Variants in TTC23 observed in about 807,000 individuals in gnomAD.
TTC23 encodes the protein tetratricopeptide repeat domain 23.
A neutral mutation model predicts 55.1 loss-of-function variants in TTC23; 58 were observed. That is an observed-to-expected ratio of 1.05 (90% CI 0.85 to 1.31). The LOEUF is 1.31. TTC23 is among the 50% of genes most tolerant of loss of function. The probability of loss-of-function intolerance (pLI) is 0.00; values close to 1 mark genes in which losing one functional copy is unlikely to be tolerated. For synonymous variants in TTC23, 203 were observed against 199.9 expected, an observed-to-expected ratio of 1.02 and a Z score of -0.13; for missense variants, 516 against 534.4, an observed-to-expected ratio of 0.97 and a Z score of 0.34.
chr15:99,188,697 C>T (rs1018014272), intron 9 of TTC23, among the ~76,000 whole-genome samples: 1 of 152,000 alleles, frequency 6.6e-6, no homozygotes, highest in East Asian at 1.9e-4. Context: ...GTCACTTAAA[C>T]ATATGAAAAG....
At chr15:99,186,259 T>C (rs2074651211) in intron 9 of TTC23, among the ~76,000 whole-genome samples, 1 of 152,230 alleles carries the variant, frequency 6.6e-6, no homozygotes, top group Admixed American at 6.5e-5. Flanking sequence ...GTTATTTTTT[T>C]AAGGAGCTAA....
intron 9 of TTC23, among the ~76,000 whole-genome samples, chr15:99,184,232 A>C (rs1418709082): frequency 6.6e-6 from 1 of 152,180 alleles, no homozygotes; most frequent in Admixed American, 6.5e-5. Context: ...CCCTACACAG[A>C]GTCTCCACTG....
In TTC23 at chr15:99,161,770, G is replaced by A. The variant is rs373569659; in HGVS notation, c.963C>T (p.Cys321=). ...TKFLSIQDEF[C]HFLQMTGQKE... ...TTTGTCCAGTCATTTGTAGAAAATG[G>A]CAAAATTCATCTTGAATTGAAAGAA... The change falls in exon 11 of 14, where the codon TGC becomes TGT. Residue 321 remains cysteine (C), a synonymous_variant. Transcript: ENST00000394132. 3.8e-5 allele frequency: 61 copies of A among 1,613,144 alleles called. No individual in the cohort carries two copies. The East Asian group carries it at 9.6e-4, about 25-fold the overall frequency.
At chr15:99,197,887 A>G (rs1476955461) in intron 9 of TTC23, among the ~76,000 whole-genome samples, 3 of 151,690 alleles carry the variant, frequency 2.0e-5, no homozygotes, top group Non-Finnish European at 4.4e-5. Flanking sequence ...TGGGCAACAG[A>G]GCAAGACTCC....
chr15:99,223,020 T>C, intron 5 of TTC23, among the ~76,000 whole-genome samples: 1 of 151,982 alleles, frequency 6.6e-6, no homozygotes, highest in East Asian at 1.9e-4. Context: ...AAACAAAACC[T>C]CAGCTCCAAA....
At chr15:99,148,399 C>A (rs2069248048) in intron 12 of TTC23, 1 of 98,070 alleles carries the variant, frequency 1.0e-5, no homozygotes, top group Non-Finnish European at 2.3e-5. Context: ...ACCTTCTTAG[C>A]GTTGGCTTTC....
At chr15:99,202,136 CTTA>C (rs1239875046) in intron 8 of TTC23, among the ~76,000 whole-genome samples, 3 of 152,146 alleles carry the variant, frequency 2.0e-5, no homozygotes, top group Non-Finnish European at 4.4e-5. Flanking sequence ...ATCTGAAATA[CTTA>C]TTATCTGGGC....
At chr15:99,166,676 C>T (rs749539683) in intron 10 of TTC23, among the ~76,000 whole-genome samples, 10 of 152,182 alleles carry the variant, frequency 6.6e-5, no homozygotes, top group Middle Eastern at 3.2e-3. Flanking sequence ...CTCCTCAAGT[C>T]GCTGCTCTCT....
chr15:99,164,339 A>G (rs766202879), intron 10 of TTC23, among the ~76,000 whole-genome samples: 1 of 152,228 alleles, frequency 6.6e-6, no homozygotes, highest in Non-Finnish European at 1.5e-5. Context: ...TATTTACAAA[A>G]ACAGGTGGTG....
At chr15:99,251,034 G>A (rs2080696000), upstream of TTC23, 1 of 138,594 alleles carries the variant, frequency 7.2e-6, no homozygotes, top group African/African-American at 2.8e-5. Context: ...CTCAACGTGG[G>A]ATCATTGTTG....
intron 10 of TTC23, among the ~76,000 whole-genome samples, chr15:99,174,657 A>G (rs2073334450): frequency 1.3e-5 from 2 of 152,200 alleles, no homozygotes; most frequent in Non-Finnish European, 2.9e-5. Context: ...ATCCTGATGG[A>G]AAGTTCAGCC....
At chr15:99,230,867 A>G (rs2078877776) in intron 4 of TTC23, among the ~76,000 whole-genome samples, 2 of 152,212 alleles carry the variant, frequency 1.3e-5, no homozygotes, top group African/African-American at 2.4e-5. Flanking sequence ...AAGGAAGGAA[A>G]ATGATAGCAA....
chr15:99,151,852 T>C (rs1192119453), intron 12 of TTC23, among the ~76,000 whole-genome samples: 1 of 152,086 alleles, frequency 6.6e-6, no homozygotes, highest in Non-Finnish European at 1.5e-5. Context: ...GGCGAAACCA[T>C]CTCTACTAAA....
chr15:99,215,377 T>C (rs1028512469), intron 8 of TTC23, among the ~76,000 whole-genome samples: 5 of 152,098 alleles, frequency 3.3e-5, no homozygotes, highest in Admixed American at 2.6e-4. Flanking sequence ...AGTGGTTAAA[T>C]GATTAATTTA....
intron 8 of TTC23, among the ~76,000 whole-genome samples, chr15:99,204,320 G>A (rs920244063): frequency 3.3e-5 from 5 of 152,010 alleles, no homozygotes; most frequent in African/African-American, 7.2e-5. Context: ...TCTTCTGCTC[G>A]TTTTAAAATC....
intron 1 of TTC23, among the ~76,000 whole-genome samples, chr15:99,247,947 TA>T (rs2080404953): frequency 1.3e-5 from 2 of 152,180 alleles, no homozygotes; most frequent in Non-Finnish European, 2.9e-5. Flanking sequence ...TTAAAGCTGT[TA>T]AAAATAGCTA....
At chr15:99,202,453 C>G (rs2076278847) in intron 8 of TTC23, among the ~76,000 whole-genome samples, 1 of 151,998 alleles carries the variant, frequency 6.6e-6, no homozygotes, top group South Asian at 2.1e-4. Context: ...TTAAAGAAAG[C>G]AGTATTTAAA....
intron 9 of TTC23, among the ~76,000 whole-genome samples, chr15:99,195,729 T>C (rs1211714056): frequency 1.3e-5 from 2 of 152,062 alleles, no homozygotes; most frequent in Non-Finnish European, 2.9e-5. Context: ...CTATGGACTT[T>C]AGGTGATAAT....
chr15:99,230,311 T>G lies in TTC23; in HGVS notation c.-20-1579A>C, dbSNP rs548396699. Among the ~76,000 whole-genome samples the G allele has an allele frequency of 3.3e-5, 5 of 152,106 alleles. No individual in the cohort carries two copies. In the South Asian group the frequency reaches 1.0e-3, roughly 32 times the overall value. ...AGATGAAAAGATGAATTTGTAGACA[T>G]AGCAATAAAAATTATCAAAAATGAA... On this transcript the variant is annotated intron_variant, in intron 4 of 13. Transcript: ENST00000394132.
Sources: allele counts gnomAD v4.1 joint callset (sites outside exome capture counted in the v4.1 genomes callset), GRCh38; gene constraint gnomAD v4.1.1; transcripts MANE v1.5; gene names NCBI Gene and HGNC (gene_info 2026-07-23, HGNC 2026-07-21).